The following BEAN1 variants were observed in gnomAD, a reference collection of about 807,000 sequenced individuals.
BEAN1 encodes brain expressed associated with NEDD4 1, also known as protein BEAN1.
In BEAN1, 17 loss-of-function variants were observed where a neutral mutation model predicts 17.7. The ratio of observed to expected loss-of-function variants is 0.96; its 90% CI spans 0.66 to 1.44. The LOEUF (loss-of-function observed/expected upper bound fraction) is 1.44. BEAN1 is among the 40% of genes most tolerant of loss of function. BEAN1 has a pLI of 0.00. For missense variants in BEAN1, 359 were observed against 374.1 expected, an observed-to-expected ratio of 0.96 and a Z score of 0.33; for synonymous variants, 142 against 151.8, an observed-to-expected ratio of 0.94 and a Z score of 0.47.
chr16:66,469,574 G>A (rs1963388247), intron 2 of BEAN1, 28 bp from the exon 3 acceptor site: 1 of 1,526,598 alleles, frequency 6.6e-7, no homozygotes, highest in Admixed American at 2.0e-5. Flanking sequence ...CTGGGCTCCA[G>A]CTCAGTGTCC....
chr16:66,461,542 G>A (rs1162582337), intron 2 of BEAN1, among the ~76,000 whole-genome samples: 1 of 151,268 alleles, frequency 6.6e-6, no homozygotes, highest in Non-Finnish European at 1.5e-5. Context: ...GGCAGGTTCT[G>A]CGTGCTGTGC....
At chr16:66,429,145 GA>G (rs1961697025) in intron 1 of BEAN1, among the ~76,000 whole-genome samples, 1 of 152,182 alleles carries the variant, frequency 6.6e-6, no homozygotes, top group South Asian at 2.1e-4. Flanking sequence ...AGGTGGCTTG[GA>G]CACACCGATG....
Position 66,437,669 on chromosome 16 carries a change from A to T in BEAN1, c.-8A>T. 6.5e-7 allele frequency: 1 copy of T among 1,535,998 alleles called. No individual in the cohort carries two copies. Among genetic ancestry groups the T allele is most frequent in the Non-Finnish European group, 8.7e-7 (1 of 1,146,812 alleles). ...AGGCTGGCTCCGCTGTTCTGCTCCA[A>T]GGATTACATGTCCTTCAAACGTCCC... On this transcript the variant is annotated 5_prime_UTR_variant, in exon 2 of 5. It adds an upstream start codon to the 5' untranslated region. Coordinates refer to ENST00000536005, the MANE Select transcript of BEAN1 (RefSeq NM_001178020.3).
chr16:66,429,206 T>G (rs1024122859), intron 1 of BEAN1, among the ~76,000 whole-genome samples: 7 of 151,970 alleles, frequency 4.6e-5, no homozygotes, highest in African/African-American at 7.2e-5. Context: ...AGCCTAGAGG[T>G]CTGAGGGGTC....
downstream of BEAN1, among the ~76,000 whole-genome samples, chr16:66,486,763 T>C (rs887147647): frequency 2.0e-5 from 3 of 152,218 alleles, no homozygotes; most frequent in East Asian, 1.9e-4. Context: ...GCCTCTGCCA[T>C]GTTCCCTTGA....
At chr16:66,480,528 G>T in intron 4 of BEAN1, 58 bp from the exon 5 acceptor site, 1 of 1,369,298 alleles carries the variant, frequency 7.3e-7, no homozygotes, top group Non-Finnish European at 9.9e-7. Flanking sequence ...CCAGGCCTTT[G>T]GGAGAGACCC....
chr16:66,442,373 C>T (rs1962290014), intron 2 of BEAN1, among the ~76,000 whole-genome samples: 1 of 152,222 alleles, frequency 6.6e-6, no homozygotes. Context: ...GCCCGCCTCC[C>T]TCTGGCCTTT....
intron 4 of BEAN1, among the ~76,000 whole-genome samples, chr16:66,490,378 C>G (rs1431334499): frequency 1.8e-5 from 1 of 54,684 alleles, no homozygotes; most frequent in African/African-American, 4.2e-5. Flanking sequence ...GCCTGGGCAA[C>G]AAAACAAGAC....
At chr16:66,487,908 A>T (rs1321631252) in intron 4 of BEAN1, among the ~76,000 whole-genome samples, 1 of 152,176 alleles carries the variant, frequency 6.6e-6, no homozygotes, top group Non-Finnish European at 1.5e-5. Context: ...GTTCTCACGA[A>T]ATCAGTCACT....
chr16:66,427,531 G>A lies in BEAN1; in HGVS notation c.-83+100G>A, dbSNP rs148637793. On this transcript the variant is annotated intron_variant, in intron 1 of 4. Coordinates refer to ENST00000536005, the MANE Select transcript of BEAN1 (RefSeq NM_001178020.3). The surrounding 1 kb of genome is among the most constrained non-coding windows in gnomAD (Gnocchi z 4.7). Reference sequence around the variant, plus strand: ...GGTGGTACCGGCGAACGACACACCCGGGGGCGCGCCGCGCGGAGCCTCGGT... The same window carrying A: ...GGTGGTACCGGCGAACGACACACCCAGGGGCGCGCCGCGCGGAGCCTCGGT... 0.042 allele frequency: 6,301 copies of A among 151,096 alleles called. 184 individuals carry two copies. The highest frequency in any genetic ancestry group is 0.058 in the Non-Finnish European group (3,938 of 67,754). 9.4% of individuals were successfully genotyped at this position (151,096 alleles called of 1,614,324 possible).
intron 4 of BEAN1, among the ~76,000 whole-genome samples, chr16:66,478,763 G>C (rs551922045): frequency 2.6e-5 from 4 of 152,220 alleles, no homozygotes; most frequent in Non-Finnish European, 5.9e-5. Context: ...ATGCTGAGGA[G>C]GACGAGGGGA....
At chr16:66,477,954 T>A in intron 4 of BEAN1, 1 of 392,460 alleles carries the variant, frequency 2.5e-6, no homozygotes, top group Non-Finnish European at 4.5e-6. Context: ...CTCCTCAGGC[T>A]GTTGAGTAGG....
chr16:66,489,131 T>C (rs1964129851), intron 4 of BEAN1, among the ~76,000 whole-genome samples: 1 of 151,494 alleles, frequency 6.6e-6, no homozygotes, highest in Non-Finnish European at 1.5e-5. Context: ...GAGACTGCAC[T>C]GTTGTACTTC....
At position 66,480,961 on chromosome 16, in the gene BEAN1, G is replaced by A; in HGVS notation, c.*36G>A. On this transcript the variant is annotated 3_prime_UTR_variant, in exon 5 of 5. Transcript: ENST00000536005. ...CAGCCGGGTCCTGCTGGTCCCTACA[G>A]GCTGAACCACATTCTTTAGGCACAC... 2 of 1,383,240 alleles carry A rather than the reference G, an allele frequency of 1.4e-6. No homozygotes were observed. Among genetic ancestry groups the A allele is most frequent in the Non-Finnish European group, 1.9e-6 (2 of 1,045,508 alleles). The allele number at this position is 1,383,240 out of a possible 1,614,324, so 85.7% of individuals were successfully genotyped here.
At position 66,480,780 on chromosome 16, in the gene BEAN1, C is replaced by A. The variant is rs1463008112; in HGVS notation, c.635C>A (p.Thr212Asn). Residue 212 changes from threonine to asparagine, a missense_variant, in exon 5 of 5, where the codon ACC becomes AAC. Transcript: ENST00000536005. ...GGCCTTCACACGGTCTCCATGGACA[C>A]CCTTCCCCCCTACGAGGCTGTGTGC... ...QGGLHTVSMD[T>N]LPPYEAVCGA... 6.4e-7 allele frequency: 1 copy of A among 1,550,728 alleles called. No homozygotes were observed. Among genetic ancestry groups the A allele is most frequent in the African/African-American group, 1.4e-5 (1 of 73,186 alleles).
downstream of BEAN1, among the ~76,000 whole-genome samples, chr16:66,494,045 C>G (rs1964214887): frequency 6.6e-6 from 1 of 152,190 alleles, no homozygotes; most frequent in Non-Finnish European, 1.5e-5. Flanking sequence ...CACTATACCC[C>G]CAGTGGGGGC....
intron 3 of BEAN1, chr16:66,470,212 A>T (rs1567502573): frequency 2.5e-6 from 1 of 401,628 alleles, no homozygotes; most frequent in Non-Finnish European, 4.5e-6. Flanking sequence ...GGATGGATGG[A>T]TGGATGGTTG....
intron 2 of BEAN1, among the ~76,000 whole-genome samples, chr16:66,455,435 A>T (rs1263904435): frequency 1.3e-5 from 2 of 152,352 alleles, no homozygotes; most frequent in East Asian, 1.9e-4. Flanking sequence ...AGAGAGCCAA[A>T]GAAGGAATGA....
chr16:66,440,627 C>T (rs559032416), intron 2 of BEAN1, among the ~76,000 whole-genome samples: 3 of 152,330 alleles, frequency 2.0e-5, no homozygotes, highest in Non-Finnish European at 4.4e-5. Context: ...GTGCAGCCCC[C>T]GCCCTTCTCG....
Sources: gnomAD v4.1 joint callset for allele counts (sites outside exome capture counted in the v4.1 genomes callset) on GRCh38, gnomAD v4.1.1 for gene constraint, Gnocchi (gnomAD v3.1) non-coding constraint, MANE v1.5 for transcripts, NCBI Gene and HGNC (gene_info 2026-07-23, HGNC 2026-07-21) for gene names.